Variants in ALPK2 observed in about 807,000 individuals in gnomAD.
The protein encoded by ALPK2 is alpha-protein kinase 2.
A neutral mutation model predicts 163.1 loss-of-function variants in ALPK2; 127 were observed. That is an observed-to-expected ratio of 0.78 (90% confidence interval 0.67 to 0.90). The LOEUF is 0.90. ALPK2 is among the 40% of genes least tolerant of loss of function. The probability of loss-of-function intolerance (pLI) is 0.00; values close to 1 mark genes in which losing one functional copy is unlikely to be tolerated. For missense variants in ALPK2, 2,360 were observed against 2,589.6 expected (o/e 0.91, Z 1.92); for synonymous variants, 953 against 959.1 (o/e 0.99, Z 0.12).
chr18:58,629,078 T>G lies in ALPK2; in HGVS notation c.-335A>C, dbSNP rs2052246232. 2 of 152,146 alleles carry G rather than the reference T, an allele frequency of 1.3e-5. No individual in the cohort carries two copies. Among genetic ancestry groups the G allele is most frequent in the South Asian group, 4.1e-4 (2 of 4,830 alleles). 9.4% of individuals were successfully genotyped at this position (152,146 alleles called of 1,614,324 possible). ...ATTTTAGCATCCCTGTGATGAAACT[T>G]GAGGGCTGTTTCTGCAGTAGGTGCG... On this transcript the variant is annotated 5_prime_UTR_variant, in exon 1 of 13. Coordinates refer to ENST00000361673, the MANE Select transcript of ALPK2 (RefSeq NM_052947.4).
intron 3 of ALPK2, among the ~76,000 whole-genome samples, chr18:58,596,669 G>A (rs948757411): frequency 7.2e-5 from 11 of 152,188 alleles, no homozygotes; most frequent in Non-Finnish European, 1.2e-4. Context: ...CAGAGCCTCT[G>A]ACCACCAACA....
intron 11 of ALPK2, among the ~76,000 whole-genome samples, chr18:58,498,792 G>A (rs1001272683): frequency 5.9e-5 from 9 of 152,154 alleles, no homozygotes; most frequent in African/African-American, 9.7e-5. Flanking sequence ...CATGTAAGAC[G>A]TGCCTTCCGC....
At chr18:58,601,678 C>T (rs1418172542) in intron 3 of ALPK2, among the ~76,000 whole-genome samples, 1 of 152,152 alleles carries the variant, frequency 6.6e-6, no homozygotes, top group African/African-American at 2.4e-5. Flanking sequence ...GCAATATCCA[C>T]TGCCGGGCCT....
chr18:58,487,563 T>C (rs1461919656), intron 12 of ALPK2, among the ~76,000 whole-genome samples: 1 of 152,248 alleles, frequency 6.6e-6, no homozygotes, highest in Non-Finnish European at 1.5e-5. Flanking sequence ...TGAGATCTTT[T>C]TCAAATATTT....
intron 3 of ALPK2, among the ~76,000 whole-genome samples, chr18:58,581,911 C>G (rs1021066248): frequency 2.1e-4 from 32 of 152,168 alleles, no homozygotes; most frequent in African/African-American, 7.2e-4. Flanking sequence ...ATATGGTCAT[C>G]CTTTCTCTTC....
At position 58,604,896 on chromosome 18, in the gene ALPK2, T is replaced by G. The variant is rs563449620; in HGVS notation, c.227+2426A>C. 9.2e-5 allele frequency among the ~76,000 whole-genome samples: 14 copies of G among 152,346 alleles called. No individual in the cohort carries two copies. The East Asian group carries it at 2.3e-3, about 25-fold the overall frequency. On this transcript the variant is annotated intron_variant, in intron 3 of 12. Transcript: ENST00000361673. ...TACCTTCTGCTTTGACTTGCCCACC[T>G]GTCTCTGGGGCTTCCTCATGGGCTT...
At position 58,536,202 on chromosome 18, in the gene ALPK2, A is replaced by G; in HGVS notation, c.3985T>C (p.Ser1329Pro). ...PTISVHWRSL[S>P]SRGFSQPRLL... ...CTGGGTTGGCTGAAACCCCGGGAAG[A>G]AAGACTTCTCCAATGTACACTGATG... Residue 1329 changes from serine to proline, a missense_variant, in exon 5 of 13, where the codon TCT (serine) becomes CCT (proline). Ser to Pro is a moderately conservative substitution (Grantham distance 74, BLOSUM62 -1). Transcript: ENST00000361673. 1 of 1,614,174 alleles carries G rather than the reference A, an allele frequency of 6.2e-7. No individual in the cohort carries two copies. Among genetic ancestry groups the G allele is most frequent in the Non-Finnish European group, 8.5e-7 (1 of 1,180,020 alleles).
Position 58,535,302 on chromosome 18 carries a change from C to T in ALPK2, c.4885G>A (p.Glu1629Lys), listed in dbSNP as rs771526041. Residue 1629 changes from glutamate (E) to lysine (K), a missense_variant, in exon 5 of 13, where the codon GAA (glutamate) becomes AAA (lysine). Coordinates refer to ENST00000361673, the MANE Select transcript of ALPK2 (RefSeq NM_052947.4). ...TDFLISHKME[E>K]PKIEVLQIGE... ...ATTTGAAGCACCTCTATTTTAGGTT[C>T]CTCCATTTTGTGGCTTATCAAAAAG... The T allele has an allele frequency of 2.0e-5, 32 of 1,614,136 alleles. 1 individual carries two copies. The South Asian group carries it at 2.5e-4, about 13-fold the overall frequency.
chr18:58,517,513 G>A (rs2030635963), intron 8 of ALPK2, among the ~76,000 whole-genome samples: 1 of 152,154 alleles, frequency 6.6e-6, no homozygotes, highest in African/African-American at 2.4e-5. Context: ...GAAAAGATGG[G>A]AAAAGTGTAG....
At chr18:58,605,759 G>A (rs1190697045) in intron 3 of ALPK2, among the ~76,000 whole-genome samples, 1 of 152,240 alleles carries the variant, frequency 6.6e-6, no homozygotes, top group Non-Finnish European at 1.5e-5. Context: ...TCCAGGTCAT[G>A]GTCAAGGGCC....
chr18:58,587,227 G>A (rs1403018660), intron 3 of ALPK2, among the ~76,000 whole-genome samples: 2 of 152,154 alleles, frequency 1.3e-5, no homozygotes, highest in African/African-American at 4.8e-5. Context: ...AACTTCAGGG[G>A]TCACAGACAA....
chr18:58,573,413 T>G (rs1355816234), intron 4 of ALPK2, among the ~76,000 whole-genome samples: 3 of 73,342 alleles, frequency 4.1e-5, no homozygotes, highest in South Asian at 4.6e-4. Context: ...TATATATATG[T>G]TTTTTTTTTT....
chr18:58,607,822 C>T (rs577490721), intron 2 of ALPK2, among the ~76,000 whole-genome samples: 64 of 152,252 alleles, frequency 4.2e-4, no homozygotes, highest in East Asian at 2.9e-3. Context: ...GGGTCATATA[C>T]TTTGTTTCAC....
intron 3 of ALPK2, among the ~76,000 whole-genome samples, chr18:58,594,802 T>C (rs1224539750): frequency 1.3e-5 from 2 of 152,086 alleles, no homozygotes; most frequent in Non-Finnish European, 2.9e-5. Context: ...TCAGACACAC[T>C]CAGAACCTGG....
At chr18:58,577,136 T>C (rs1476315466) in intron 4 of ALPK2, among the ~76,000 whole-genome samples, 2 of 152,208 alleles carry the variant, frequency 1.3e-5, no homozygotes, top group Admixed American at 1.3e-4. Context: ...CCCATTTTAC[T>C]TGACTGACTT....
At chr18:58,514,658 C>T (rs2051511584) in intron 10 of ALPK2, among the ~76,000 whole-genome samples, 2 of 152,082 alleles carry the variant, frequency 1.3e-5, no homozygotes, top group Non-Finnish European at 2.9e-5. Context: ...ACTGTTTAGA[C>T]AATGTAATAG....
At chr18:58,507,593 A>G (rs1280568449) in intron 10 of ALPK2, among the ~76,000 whole-genome samples, 1 of 152,140 alleles carries the variant, frequency 6.6e-6, no homozygotes, top group Non-Finnish European at 1.5e-5. Context: ...TGGAATGAAC[A>G]CGTAAGGCTT....
At chr18:58,603,845 A>G (rs567030668) in intron 3 of ALPK2, among the ~76,000 whole-genome samples, 122 of 152,218 alleles carry the variant, frequency 8.0e-4, no homozygotes, top group African/African-American at 2.7e-3. Context: ...GCTACAGTGC[A>G]TACCATAATG....
At chr18:58,580,719 G>A (rs573970841) in intron 3 of ALPK2, 171 bp from the exon 4 acceptor site, 9 of 648,118 alleles carry the variant, frequency 1.4e-5, no homozygotes, top group African/African-American at 7.3e-5. Context: ...TCTGGGCTCC[G>A]GTGCCCCTAG....
Sources: gnomAD v4.1 joint callset for allele counts (sites outside exome capture counted in the v4.1 genomes callset) on GRCh38, gnomAD v4.1.1 for gene constraint, MANE v1.5 for transcripts, NCBI Gene and HGNC (gene_info 2026-07-23, HGNC 2026-07-21) for gene names.